Variants in FHIT observed in about 807,000 individuals in gnomAD.
FHIT encodes the protein bis(5'-adenosyl)-triphosphatase.
In FHIT, 19 loss-of-function variants were observed where a neutral mutation model predicts 17.9. The ratio of observed to expected loss-of-function variants is 1.06; its 90% CI spans 0.74 to 1.56. The LOEUF is 1.56. FHIT is among the 40% of genes most tolerant of loss of function. The pLI is 0.00. For missense variants in FHIT, 248 were observed against 189.2 expected (o/e 1.31, Z -1.82); for synonymous variants, 81 against 69.7 (o/e 1.16, Z -0.81).
At chr3:60,976,008 C>T (rs1710218308) in intron 3 of FHIT, among the ~76,000 whole-genome samples, 1 of 150,330 alleles carries the variant, frequency 6.7e-6, no homozygotes, top group African/African-American at 2.4e-5. Flanking sequence ...ATTAACTTCA[C>T]TAAATATTTT....
intron 1 of FHIT, among the ~76,000 whole-genome samples, chr3:61,218,698 T>C (rs911053162): frequency 1.3e-5 from 2 of 152,204 alleles, no homozygotes; most frequent in Non-Finnish European, 2.9e-5. Flanking sequence ...GGTTTTAAAC[T>C]GAGCTTTGGC....
At chr3:61,076,782 G>C (rs2034985745) in intron 2 of FHIT, among the ~76,000 whole-genome samples, 1 of 152,154 alleles carries the variant, frequency 6.6e-6, no homozygotes, top group East Asian at 1.9e-4. Context: ...GGAATGGTTT[G>C]AACTTGCAAC....
At chr3:60,081,347 A>C (rs1015655982) in intron 5 of FHIT, among the ~76,000 whole-genome samples, 1 of 152,076 alleles carries the variant, frequency 6.6e-6, no homozygotes, top group Non-Finnish European at 1.5e-5. Context: ...TACTTGACCA[A>C]CAGTATAAAT....
At chr3:60,267,855 A>C (rs1340412085) in intron 5 of FHIT, among the ~76,000 whole-genome samples, 1 of 152,142 alleles carries the variant, frequency 6.6e-6, no homozygotes, top group Non-Finnish European at 1.5e-5. Flanking sequence ...ATTCAGCCTA[A>C]ATCTTGTAAA....
chr3:60,952,171 C>CT (rs1464386367), intron 3 of FHIT, among the ~76,000 whole-genome samples: 17 of 104,604 alleles, frequency 1.6e-4, no homozygotes, highest in African/African-American at 6.6e-4. Context: ...TCCTCCCCAC[C>CT]CCCCCCCCAA....
chr3:61,050,961 C>A (rs1054724756), intron 2 of FHIT, among the ~76,000 whole-genome samples: 1 of 152,142 alleles, frequency 6.6e-6, no homozygotes, highest in Non-Finnish European at 1.5e-5. Flanking sequence ...TTCTTCCGAG[C>A]CATAGACACC....
intron 5 of FHIT, among the ~76,000 whole-genome samples, chr3:60,112,562 C>T (rs960690288): frequency 5.9e-5 from 9 of 152,180 alleles, no homozygotes; most frequent in African/African-American, 2.2e-4. Context: ...CAAAGGAGGG[C>T]TGAAATATGG....
chr3:60,968,657 C>A (rs920885645), intron 3 of FHIT, among the ~76,000 whole-genome samples: 1 of 152,168 alleles, frequency 6.6e-6, no homozygotes, highest in South Asian at 2.1e-4. Flanking sequence ...ATGATCCACC[C>A]GCCTTGGCCT....
intron 1 of FHIT, among the ~76,000 whole-genome samples, chr3:61,215,611 C>A (rs964627412): frequency 6.6e-5 from 10 of 152,274 alleles, no homozygotes; most frequent in East Asian, 1.9e-4. Context: ...ATCAAGCTAC[C>A]AATGACTTTC....
intron 3 of FHIT, among the ~76,000 whole-genome samples, chr3:60,849,332 T>C (rs551324012): frequency 2.0e-5 from 3 of 151,628 alleles, no homozygotes; most frequent in Non-Finnish European, 4.4e-5. Flanking sequence ...TTTAGGATTG[T>C]TGTCAATTCT....
At chr3:59,749,849 TC>T in intron 9 of FHIT, 1 of 225,424 alleles carries the variant, frequency 4.4e-6, no homozygotes, top group Non-Finnish European at 8.8e-6. Flanking sequence ...CCCATTATAC[TC>T]CAGGTAATGA....
At chr3:60,662,702 T>C (rs1553691473) in intron 4 of FHIT, among the ~76,000 whole-genome samples, 1 of 152,194 alleles carries the variant, frequency 6.6e-6, no homozygotes, top group Non-Finnish European at 1.5e-5. Context: ...TTTCCATTTG[T>C]TTGCGTCATC....
chr3:60,557,771 A>C (rs2036791324), intron 4 of FHIT, among the ~76,000 whole-genome samples: 2 of 152,216 alleles, frequency 1.3e-5, no homozygotes, highest in Middle Eastern at 3.4e-3. Context: ...AGCAATCACT[A>C]ATGAAATGCA....
At chr3:61,241,832 C>T (rs2040380028) in intron 1 of FHIT, among the ~76,000 whole-genome samples, 1 of 152,206 alleles carries the variant, frequency 6.6e-6, no homozygotes, top group African/African-American at 2.4e-5. Flanking sequence ...TCTATTCCCA[C>T]TTATTCATCA....
chr3:60,764,152 T>C (rs1295503824), intron 4 of FHIT, among the ~76,000 whole-genome samples: 2 of 152,084 alleles, frequency 1.3e-5, no homozygotes, highest in Admixed American at 6.6e-5. Flanking sequence ...TAGTGCTCCA[T>C]CACCTGTCAC....
chr3:60,642,211 T>A (rs2039743084), intron 4 of FHIT, among the ~76,000 whole-genome samples: 1 of 151,914 alleles, frequency 6.6e-6, no homozygotes, highest in Non-Finnish European at 1.5e-5. Flanking sequence ...ACCTCCTGGG[T>A]CAACAAGCAG....
At chr3:60,866,276 G>T (rs782393683) in intron 3 of FHIT, among the ~76,000 whole-genome samples, 1 of 152,200 alleles carries the variant, frequency 6.6e-6, no homozygotes, top group Non-Finnish European at 1.5e-5. Context: ...CCATGTGGAA[G>T]AGGGCTGACC....
At chr3:61,207,348 A>G (rs997139746) in intron 1 of FHIT, among the ~76,000 whole-genome samples, 4 of 152,132 alleles carry the variant, frequency 2.6e-5, no homozygotes, top group Non-Finnish European at 5.9e-5. Context: ...TGAGTTAGGG[A>G]GGATTTCCTC....
chr3:60,459,020 G>C (rs938446169), intron 5 of FHIT, among the ~76,000 whole-genome samples: 2 of 151,882 alleles, frequency 1.3e-5, no homozygotes, highest in Non-Finnish European at 2.9e-5. Context: ...GGGCTCAAGC[G>C]ATCCTCCTAC....
Sources: allele counts gnomAD v4.1 joint callset (sites outside exome capture counted in the v4.1 genomes callset), GRCh38; gene constraint gnomAD v4.1.1; transcripts MANE v1.5; gene names NCBI Gene and HGNC (gene_info 2026-07-23, HGNC 2026-07-21).